TCEA1: variants seen among roughly 807,000 people sequenced by gnomAD.
TCEA1 encodes the protein transcription elongation factor A1, also known as transcription elongation factor A protein 1.
TCEA1 carries 21 observed loss-of-function variants against 43.8 expected under a neutral mutation model. That is an observed-to-expected ratio of 0.48 (90% CI 0.34 to 0.69). The LOEUF is 0.69. Ranked by LOEUF, TCEA1 falls within the 30% of genes least tolerant of loss-of-function variation. The probability of loss-of-function intolerance (pLI) is 0.01; values close to 1 mark genes in which losing one functional copy is unlikely to be tolerated. For synonymous variants in TCEA1, 104 were observed against 117.5 expected (o/e 0.88, Z 0.75); for missense variants, 250 against 365.1 (o/e 0.68, Z 2.57).
intron 7 of TCEA1, among the ~76,000 whole-genome samples, chr8:53,980,160 C>T (rs2129300949): frequency 6.6e-6 from 1 of 152,294 alleles, no homozygotes; most frequent in African/African-American, 2.4e-5. Context: ...CAACGAGTAC[C>T]TCTAGTATCC....
At chr8:54,009,809 A>G (rs927254279) in intron 2 of TCEA1, 6 of 152,232 alleles carry the variant, frequency 3.9e-5, no homozygotes, top group African/African-American at 7.2e-5. Context: ...AAATAGCGAG[A>G]AGAGAGGGCT....
At chr8:54,016,609 C>T (rs1368817476) in intron 1 of TCEA1, among the ~76,000 whole-genome samples, 1 of 152,034 alleles carries the variant, frequency 6.6e-6, no homozygotes, top group East Asian at 1.9e-4. Flanking sequence ...GAGGCTGAAG[C>T]GGGTAGATCA....
intron 8 of TCEA1, chr8:53,971,647 G>A (rs1372238366): frequency 6.0e-6 from 1 of 166,428 alleles, no homozygotes; most frequent in Non-Finnish European, 1.3e-5. Context: ...CTGTGGATAA[G>A]AGGGTACCAC....
rs377280005 is a variant in TCEA1, at chr8:53,993,594, A to AT, written c.320+73dup. 84 of 1,249,684 alleles carry AT rather than the reference A, an allele frequency of 6.7e-5. No individual in the cohort carries two copies. In the African/African-American group the frequency reaches 1.1e-3, roughly 16 times the overall value. 77.4% of individuals were successfully genotyped at this position (1,249,684 alleles called of 1,614,324 possible). On this transcript the variant is annotated intron_variant, in intron 4 of 9. Transcript: ENST00000521604. Reference sequence around the variant, plus strand: ...AAAAAAGGAGTGTAAATAGGGGAACATTAGACAGGGGAATTGATGCAGGAA... The same window carrying AT: ...AAAAAAGGAGTGTAAATAGGGGAACATTTAGACAGGGGAATTGATGCAGGAA...
At chr8:53,986,385 C>G (rs1803688812) in intron 6 of TCEA1, among the ~76,000 whole-genome samples, 1 of 152,168 alleles carries the variant, frequency 6.6e-6, no homozygotes, top group Admixed American at 6.5e-5. Flanking sequence ...TGGTGTTAAG[C>G]CACTGAAATT....
At chr8:54,012,019 T>C (rs1053723873) in intron 1 of TCEA1, among the ~76,000 whole-genome samples, 2 of 152,174 alleles carry the variant, frequency 1.3e-5, no homozygotes, top group Admixed American at 1.3e-4. Context: ...AACATTAAAG[T>C]TGTTGGAAAA....
intron 3 of TCEA1, among the ~76,000 whole-genome samples, chr8:53,994,648 C>T (rs1054116262): frequency 6.6e-6 from 1 of 151,906 alleles, no homozygotes. Context: ...GCGGGCAGAT[C>T]ACGAGGTCAG....
intron 4 of TCEA1, 135 bp from the exon 5 acceptor site, chr8:53,988,394 G>A: frequency 9.5e-7 from 1 of 1,057,466 alleles, no homozygotes. Flanking sequence ...TTATGTGATG[G>A]AAAAAAAATT....
intron 2 of TCEA1, chr8:54,002,880 GA>G: frequency 2.2e-6 from 1 of 456,260 alleles, no homozygotes; most frequent in Non-Finnish European, 4.4e-6. Context: ...TATACAGAAA[GA>G]AAGACATTAC....
chr8:54,021,656 T>G, intron 1 of TCEA1: 2 of 164,040 alleles, frequency 1.2e-5, no homozygotes, highest in Non-Finnish European at 2.6e-5. Context: ...CAAGCCTCTA[T>G]TTGATGCTCT....
chr8:53,972,496 T>C (rs910566414), intron 8 of TCEA1: 1 of 533,470 alleles, frequency 1.9e-6, no homozygotes, highest in Admixed American at 2.0e-5. Context: ...GCTGATGACA[T>C]TACACATTAA....
At chr8:53,969,129 A>G (rs980458800) in intron 9 of TCEA1, among the ~76,000 whole-genome samples, 18 of 152,138 alleles carry the variant, frequency 1.2e-4, no homozygotes, top group African/African-American at 3.9e-4. Flanking sequence ...ATCTCTACTA[A>G]AAATACAAAA....
intron 1 of TCEA1, among the ~76,000 whole-genome samples, chr8:54,019,853 A>G (rs1804966517): frequency 6.6e-6 from 1 of 152,210 alleles, no homozygotes; most frequent in Non-Finnish European, 1.5e-5. Flanking sequence ...AAACAAAAGT[A>G]CAAGAGCCAG....
intron 1 of TCEA1, among the ~76,000 whole-genome samples, chr8:54,017,842 C>T (rs1288931939): frequency 6.6e-6 from 1 of 152,124 alleles, no homozygotes; most frequent in African/African-American, 2.4e-5. Flanking sequence ...GCTGCTTAAA[C>T]CCAGGAGGCG....
chr8:53,972,448 G>A (rs2129298377), intron 8 of TCEA1: 1 of 518,952 alleles, frequency 1.9e-6, no homozygotes, highest in East Asian at 5.3e-5. Context: ...TCAAGTTTTG[G>A]GCATGCATGG....
chr8:53,979,462 A>C (rs1332852399), intron 7 of TCEA1, among the ~76,000 whole-genome samples: 1 of 152,132 alleles, frequency 6.6e-6, no homozygotes, highest in Non-Finnish European at 1.5e-5. Flanking sequence ...AACATGGCTG[A>C]CTCCATCTTG....
intron 1 of TCEA1, among the ~76,000 whole-genome samples, chr8:54,017,248 A>G (rs949803341): frequency 1.3e-5 from 2 of 152,166 alleles, no homozygotes; most frequent in African/African-American, 4.8e-5. Flanking sequence ...ACAAACCCGT[A>G]AATACACTAA....
chr8:53,989,516 C>A (rs1159253856), intron 4 of TCEA1, among the ~76,000 whole-genome samples: 1 of 152,168 alleles, frequency 6.6e-6, no homozygotes, highest in African/African-American at 2.4e-5. Flanking sequence ...ACATTAGTAC[C>A]TTTTAAATTT....
chr8:53,975,026 G>A (rs1803288121), intron 8 of TCEA1, among the ~76,000 whole-genome samples: 1 of 151,914 alleles, frequency 6.6e-6, no homozygotes, highest in South Asian at 2.1e-4. Context: ...AGAACTTTTT[G>A]TTGTTTATCA....
Sources: allele counts gnomAD v4.1 joint callset (sites outside exome capture counted in the v4.1 genomes callset), GRCh38; gene constraint gnomAD v4.1.1; transcripts MANE v1.5; gene names NCBI Gene and HGNC (gene_info 2026-07-23, HGNC 2026-07-21).